CTU1: variants seen among roughly 807,000 people sequenced by gnomAD.
The protein encoded by CTU1 is cytosolic thiouridylase subunit 1.
CTU1 carries 15 observed loss-of-function variants against 12.9 expected under a neutral mutation model. The ratio of observed to expected loss-of-function variants is 1.16; its 90% confidence interval spans 0.78 to 1.79. CTU1 has a LOEUF of 1.79. CTU1 is among the 40% of genes most tolerant of loss of function. CTU1 has a pLI of 0.00. For missense variants in CTU1, 553 were observed against 550.5 expected (o/e 1.00, Z -0.05); for synonymous variants, 295 against 275.6 (o/e 1.07, Z -0.70).
intron 2 of CTU1, among the ~76,000 whole-genome samples, chr19:51,100,693 C>T (rs926268358): frequency 1.4e-4 from 22 of 152,260 alleles, no homozygotes; most frequent in African/African-American, 5.1e-4. Context: ...AATGGACCCC[C>T]TTGCCCCAGA....
Position 51,104,136 on chromosome 19 carries a change from G to T in CTU1, c.434C>A (p.Thr145Asn). Residue 145 changes from threonine to asparagine, a missense_variant, in exon 2 of 3, where the codon ACC (threonine) becomes AAC (asparagine). Transcript: ENST00000421832. ...CCGGCGCCGCAGCACTCCACAGAAG[G>T]TGCAGCAGGAGCGGCTGCGGCCGGA... ...AGSGRSRSCCTFCGVLRRRAL... is the reference protein window; with the variant it reads ...AGSGRSRSCCNFCGVLRRRAL... 6.6e-7 allele frequency: 1 copy of T among 1,519,954 alleles called. No individual in the cohort carries two copies. Among genetic ancestry groups the T allele is most frequent in the Admixed American group, 2.3e-5 (1 of 44,202 alleles). 94.2% of individuals were successfully genotyped at this position (1,519,954 alleles called of 1,614,324 possible).
intron 2 of CTU1, 142 bp downstream of exon 2, chr19:51,103,920 G>T: frequency 4.6e-6 from 4 of 869,390 alleles, no homozygotes; most frequent in Non-Finnish European, 6.4e-6. Flanking sequence ...CTCCGTACAG[G>T]GATCCTCCCA....
intron 2 of CTU1, 99 bp from the exon 3 acceptor site, chr19:51,099,238 A>C: frequency 8.8e-7 from 1 of 1,132,530 alleles, no homozygotes; most frequent in South Asian, 1.5e-5. Flanking sequence ...ACCCAGAGAG[A>C]GACTGGGAGG....
Position 51,098,865 on chromosome 19 carries a change from G to C in CTU1, c.783C>G (p.Ser261=), listed in dbSNP as rs746587816. 7 of 1,406,822 alleles carry C rather than the reference G, an allele frequency of 5.0e-6. No individual in the cohort carries two copies. Among genetic ancestry groups the C allele is most frequent in the East Asian group, 6.9e-5 (2 of 29,088 alleles). The allele number at this position is 1,406,822 out of a possible 1,614,324, so 87.1% of individuals were successfully genotyped here. A position where few individuals can be genotyped will look rare whatever the true frequency, so the allele number is the denominator to read the frequency against. The change falls in exon 3 of 3, where the codon TCC becomes TCG. Residue 261 remains serine (S), a synonymous_variant. Coordinates refer to ENST00000421832, the MANE Select transcript of CTU1 (RefSeq NM_145232.4). The surrounding 1 kb of genome is among the most constrained non-coding windows in gnomAD (Gnocchi z 4.3). Reference sequence around the variant, plus strand: ...CCGAGTGCACGAGGTCCAGCACCGCGGACGGCCGCGCCGCCTCCAGGCGCT... The same window carrying C: ...CCGAGTGCACGAGGTCCAGCACCGCCGACGGCCGCGCCGCCTCCAGGCGCT... ...LLKRLEAARP[S]AVLDLVHSAE... is the part of the protein sequence containing the mutation.
intron 1 of CTU1, among the ~76,000 whole-genome samples, chr19:51,105,832 T>C (rs1218547597): frequency 6.6e-6 from 1 of 152,164 alleles, no homozygotes; most frequent in Non-Finnish European, 1.5e-5. Context: ...ATGCTCCCAG[T>C]GGGTGGCACC....
At chr19:51,099,267 A>G (rs1247810404) in intron 2 of CTU1, 128 bp from the exon 3 acceptor site, 4 of 796,838 alleles carry the variant, frequency 5.0e-6, no homozygotes, top group Non-Finnish European at 7.4e-6. Flanking sequence ...ACGGAGACCC[A>G]GGGCACAGTG....
intron 2 of CTU1, 43 bp downstream of exon 2, chr19:51,104,019 A>C: frequency 7.1e-7 from 1 of 1,406,000 alleles, no homozygotes; most frequent in Non-Finnish European, 9.2e-7. Flanking sequence ...CATTCGCCCC[A>C]CTGCCTCGGA....
intron 2 of CTU1, among the ~76,000 whole-genome samples, chr19:51,100,696 G>T (rs1475440719): frequency 6.6e-6 from 1 of 152,164 alleles, no homozygotes; most frequent in African/African-American, 2.4e-5. Flanking sequence ...GGACCCCCTT[G>T]CCCCAGAGCC....
intron 1 of CTU1, among the ~76,000 whole-genome samples, chr19:51,107,997 GAAT>G (rs1206153059): frequency 2.0e-5 from 3 of 152,082 alleles, no homozygotes; most frequent in Admixed American, 6.6e-5. Context: ...TAGGATGAGG[GAAT>G]AATAAGTGCT....
chr19:51,104,045 G>T lies in CTU1; in HGVS notation c.508+17C>A. 1 of 1,430,544 alleles carries T rather than the reference G, an allele frequency of 7.0e-7. No homozygotes were observed. Among genetic ancestry groups the T allele is most frequent in the East Asian group, 2.7e-5 (1 of 36,624 alleles). The allele number at this position is 1,430,544 out of a possible 1,614,324, so 88.6% of individuals were successfully genotyped here. On this transcript the variant is annotated intron_variant, in intron 2 of 2. Coordinates refer to ENST00000421832, the MANE Select transcript of CTU1 (RefSeq NM_145232.4). ...CTGCCTCGGAGAGTGCCGCTCTGCG[G>T]CCCGTACTACGCTCACCTGTCACGA...
intron 1 of CTU1, among the ~76,000 whole-genome samples, chr19:51,104,987 C>G (rs767004217): frequency 3.3e-5 from 5 of 152,166 alleles, no homozygotes; most frequent in Admixed American, 6.5e-5. Context: ...CTGATCAGGA[C>G]AAGGTAGGTA....
rs191562026 is a variant in CTU1, at chr19:51,107,716, G to A, written c.-22+631C>T. Among the ~76,000 whole-genome samples the A allele has an allele frequency of 5.3e-5, 8 of 152,324 alleles. No homozygotes were observed. In the East Asian group the frequency reaches 1.3e-3, roughly 26 times the overall value. On this transcript the variant is annotated intron_variant, in intron 1 of 2. Transcript: ENST00000421832. ...TTGAGGTTCTGGCCTGAGCATTGGA[G>A]GGACGGTGGGGCCATTTTGTGAGGT... is the stretch of plus-strand genomic sequence containing the variant.
chr19:51,101,211 G>A lies in CTU1; in HGVS notation c.509-2072C>T, dbSNP rs536740770. Among the ~76,000 whole-genome samples, 20 of 152,190 alleles carry A rather than the reference G, an allele frequency of 1.3e-4. No individual in the cohort carries two copies. The South Asian group carries it at 2.1e-3, about 16-fold the overall frequency. On this transcript the variant is annotated intron_variant, in intron 2 of 2. Coordinates refer to ENST00000421832, the MANE Select transcript of CTU1 (RefSeq NM_145232.4). The stretch of plus-strand genomic sequence containing the variant: ...TCCACCTGCCTCGGCCTCCCAAAGC[G>A]GCTGGGATTACTAGCATGTGTCACC...
chr19:51,104,375 C>A lies in CTU1; in HGVS notation c.195G>T (p.Thr65=). 2 of 1,355,526 alleles carry A rather than the reference C, an allele frequency of 1.5e-6. No individual in the cohort carries two copies. The highest frequency in any genetic ancestry group is 1.9e-6 in the Non-Finnish European group (2 of 1,057,268). The allele number at this position is 1,355,526 out of a possible 1,614,324, so 84.0% of individuals were successfully genotyped here. A position where few individuals can be genotyped will look rare whatever the true frequency, so the allele number is the denominator to read the frequency against. Residue 65 remains threonine (T), a synonymous_variant, in exon 2 of 3, where the codon ACG becomes ACT. Transcript: ENST00000421832. ...AVGASGGKDS[T]VLAHVLRALA... ...GCGCGCGCAGCACGTGCGCCAGCAC[C>A]GTGGAGTCCTTGCCGCCCGAGGCGC...
chr19:51,101,055 C>G (rs1354714307), intron 2 of CTU1, among the ~76,000 whole-genome samples: 1 of 152,018 alleles, frequency 6.6e-6, no homozygotes, highest in Non-Finnish European at 1.5e-5. Context: ...AGTGATCCCC[C>G]TGCCTCAGCC....
In CTU1 at chr19:51,099,111, G is replaced by A. The variant is rs1214470289; in HGVS notation, c.537C>T (p.Thr179=). ...TGHNADDMAE[T]VLMNFLRGDA... is the part of the protein sequence containing the mutation. The stretch of plus-strand genomic sequence containing the variant: ...CGCCCCGTAGGAAGTTCATGAGCAC[G>A]GTCTCCGCCATGTCGTCGGCGTTGT... The change falls in exon 3 of 3, where the codon ACC becomes ACT. Residue 179 remains threonine, a synonymous_variant. Transcript: ENST00000421832. The A allele has an allele frequency of 1.9e-6, 3 of 1,565,892 alleles. No individual in the cohort carries two copies. The highest frequency in any genetic ancestry group is 1.7e-6 in the Non-Finnish European group (2 of 1,165,582).
At position 51,098,919 on chromosome 19, in the gene CTU1, G is replaced by A. The variant is rs746091192; in HGVS notation, c.729C>T (p.Ala243=). The change falls in exon 3 of 3, where the codon GCC becomes GCT. Residue 243 remains alanine (A), a synonymous_variant. Coordinates refer to ENST00000421832, the MANE Select transcript of CTU1 (RefSeq NM_145232.4). The surrounding 1 kb of genome is among the most constrained non-coding windows in gnomAD (Gnocchi z 4.3). ...FSEECVYAPE[A]FRGHARDLLK... is the part of the protein sequence containing the mutation. Reference sequence around the variant, plus strand: ...GCAGGTCCCGGGCGTGGCCGCGGAAGGCCTCGGGCGCGTAGACGCACTCCT... The same window carrying A: ...GCAGGTCCCGGGCGTGGCCGCGGAAAGCCTCGGGCGCGTAGACGCACTCCT... 6.6e-7 allele frequency: 1 copy of A among 1,525,704 alleles called. No individual in the cohort carries two copies. The allele number at this position is 1,525,704 out of a possible 1,614,324, so 94.5% of individuals were successfully genotyped here. A position where few individuals can be genotyped will look rare whatever the true frequency, so the allele number is the denominator to read the frequency against.
At position 51,108,383 on chromosome 19, in the gene CTU1, C is replaced by T. The variant is rs1233561747; in HGVS notation, c.-58G>A. ...TCAGTGCTGGGATGCCCACACTGCCCACCACGCGGAAGCCTGGCCCGGAAG... is the reference window on the plus strand; with the variant it reads ...TCAGTGCTGGGATGCCCACACTGCCTACCACGCGGAAGCCTGGCCCGGAAG... On this transcript the variant is annotated 5_prime_UTR_variant, in exon 1 of 3. Coordinates refer to ENST00000421832, the MANE Select transcript of CTU1 (RefSeq NM_145232.4). The surrounding 1 kb of genome is among the most constrained non-coding windows in gnomAD (Gnocchi z 4.5). 6.6e-6 allele frequency: 1 copy of T among 152,348 alleles called. No homozygotes were observed. Among genetic ancestry groups the T allele is most frequent in the Non-Finnish European group, 1.5e-5 (1 of 68,098 alleles). 9.4% of individuals were successfully genotyped at this position (152,348 alleles called of 1,614,324 possible).
At chr19:51,100,065 T>G (rs116205022) in intron 2 of CTU1, among the ~76,000 whole-genome samples, 2 of 151,106 alleles carry the variant, frequency 1.3e-5, no homozygotes, top group Non-Finnish European at 3.0e-5. Flanking sequence ...TCTGGCACCA[T>G]AGGACAGCCA....
Sources: allele counts gnomAD v4.1 joint callset (sites outside exome capture counted in the v4.1 genomes callset), GRCh38; gene constraint gnomAD v4.1.1; non-coding constraint Gnocchi (gnomAD v3.1); transcripts MANE v1.5; gene names NCBI Gene and HGNC (gene_info 2026-07-23, HGNC 2026-07-21).